Variants in CMC1 observed in about 807,000 individuals in gnomAD.
The protein encoded by CMC1 is COX assembly mitochondrial protein homolog.
Under a neutral mutation model 14.1 loss-of-function variants are expected in CMC1, and 14 were observed. The observed-to-expected ratio is 0.99, with a 90% CI of 0.66 to 1.55. The LOEUF (loss-of-function observed/expected upper bound fraction) is 1.55. Among genes scored for constraint, CMC1 ranks in the 40% most tolerant of loss-of-function variants. The probability of loss-of-function intolerance (pLI) is 0.00; values close to 1 mark genes in which losing one functional copy is unlikely to be tolerated. For missense variants in CMC1, 127 were observed against 123.8 expected, an observed-to-expected ratio of 1.03 and a Z score of -0.12; for synonymous variants, 50 against 38.4, an observed-to-expected ratio of 1.30 and a Z score of -1.12.
chr3:28,297,279 A>T (rs1161892686), intron 2 of CMC1: 1 of 152,068 alleles, frequency 6.6e-6, no homozygotes, highest in Non-Finnish European at 1.5e-5. Context: ...TAACTGATCC[A>T]TAAGACAATC....
At chr3:28,263,443 C>A in intron 2 of CMC1, 63 bp downstream of exon 2, 1 of 1,091,798 alleles carries the variant, frequency 9.2e-7, no homozygotes, top group Non-Finnish European at 1.3e-6. Context: ...TGAATTTAAT[C>A]CTTAGCCCCA....
chr3:28,258,060 T>TTATATATATA (rs56153777), intron 1 of CMC1, among the ~76,000 whole-genome samples: 3,868 of 135,186 alleles, frequency 0.029, 76 homozygotes, highest in Middle Eastern at 0.052. Context: ...TTGAGCACCT[T>TTATATATATA]TATATATATA....
chr3:28,268,792 A>G (rs1700130483), intron 2 of CMC1, among the ~76,000 whole-genome samples: 1 of 152,328 alleles, frequency 6.6e-6, no homozygotes, highest in South Asian at 2.1e-4. Context: ...TGTTATGCCA[A>G]TGGAATCATG....
intron 1 of CMC1, 32 bp from the exon 2 acceptor site, chr3:28,263,259 A>C: frequency 6.7e-7 from 1 of 1,491,994 alleles, no homozygotes; most frequent in Non-Finnish European, 9.2e-7. Context: ...TTTGCTTGAG[A>C]CTTTATTAAA....
intron 1 of CMC1, among the ~76,000 whole-genome samples, chr3:28,257,096 T>C (rs1182095830): frequency 6.6e-6 from 1 of 152,218 alleles, no homozygotes; most frequent in Non-Finnish European, 1.5e-5. Context: ...TAATTTCTAA[T>C]AGTTATGTGT....
At chr3:28,251,520 C>T (rs964489340) in intron 1 of CMC1, among the ~76,000 whole-genome samples, 4 of 152,132 alleles carry the variant, frequency 2.6e-5, no homozygotes, top group Admixed American at 2.6e-4. Context: ...ATATCCAAAC[C>T]ATATTGCTCC....
chr3:28,258,566 G>T (rs552866214), intron 1 of CMC1, among the ~76,000 whole-genome samples: 3 of 146,032 alleles, frequency 2.1e-5, no homozygotes, highest in South Asian at 4.3e-4. Context: ...AACTAGCCTT[G>T]GTGCATTTGC....
chr3:28,305,312 T>G (rs1702251974), intron 2 of CMC1, among the ~76,000 whole-genome samples: 1 of 152,230 alleles, frequency 6.6e-6, no homozygotes, highest in African/African-American at 2.4e-5. Context: ...CACATTTTCT[T>G]TCTCCATTCC....
At chr3:28,290,744 A>G (rs73822569) in intron 2 of CMC1, among the ~76,000 whole-genome samples, 6,384 of 152,178 alleles carry the variant, frequency 0.042, 391 homozygotes, top group African/African-American at 0.13. Context: ...GAGATAACCA[A>G]TCATCCTTGG....
At chr3:28,304,790 T>C (rs981087409) in intron 2 of CMC1, among the ~76,000 whole-genome samples, 5 of 152,150 alleles carry the variant, frequency 3.3e-5, no homozygotes, top group Admixed American at 6.5e-5. Context: ...ATTTTACTTG[T>C]TCTGAAAGTT....
chr3:28,288,509 A>G (rs867948543), intron 2 of CMC1, among the ~76,000 whole-genome samples: 1 of 152,010 alleles, frequency 6.6e-6, no homozygotes, highest in South Asian at 2.1e-4. Context: ...ATGTTTCTTT[A>G]GGAAATTTTG....
chr3:28,300,144 C>T (rs376442284), intron 2 of CMC1, among the ~76,000 whole-genome samples: 1 of 151,918 alleles, frequency 6.6e-6, no homozygotes, highest in African/African-American at 2.4e-5. Flanking sequence ...CAAAGTATCA[C>T]GTTATCATTG....
chr3:28,303,272 G>A (rs1392983690), intron 2 of CMC1, among the ~76,000 whole-genome samples: 1 of 152,058 alleles, frequency 6.6e-6, no homozygotes. Context: ...GTTGTCATGG[G>A]AAAATGGAAA....
intron 1 of CMC1, among the ~76,000 whole-genome samples, chr3:28,249,369 T>G (rs979845559): frequency 2.0e-5 from 3 of 152,252 alleles, no homozygotes; most frequent in African/African-American, 7.2e-5. Context: ...ACAGTGTATC[T>G]GTAACTATCA....
Position 28,321,932 on chromosome 3 carries a change from T to C in CMC1, c.*2303T>C, listed in dbSNP as rs999971456. On this transcript the variant is annotated 3_prime_UTR_variant, in exon 4 of 4. Transcript: ENST00000466830. Reference sequence around the variant, plus strand: ...AACCTTATAAAAAGAAATCTAAAGATTCCAAAGGAAGCTCTTTAGAGCAAG... The same window carrying C: ...AACCTTATAAAAAGAAATCTAAAGACTCCAAAGGAAGCTCTTTAGAGCAAG... 2 of 151,340 alleles carry C rather than the reference T, an allele frequency of 1.3e-5. No homozygotes were observed. The highest frequency in any genetic ancestry group is 4.2e-4 in the South Asian group (2 of 4,818). The allele number at this position is 151,340 out of a possible 1,614,324, so 9.4% of individuals were successfully genotyped here.
At chr3:28,271,849 C>T (rs1455319058) in intron 2 of CMC1, among the ~76,000 whole-genome samples, 1 of 152,164 alleles carries the variant, frequency 6.6e-6, no homozygotes, top group African/African-American at 2.4e-5. Context: ...TTGATTCTTC[C>T]TATCCATGAG....
chr3:28,256,580 G>A (rs993815505), intron 1 of CMC1, among the ~76,000 whole-genome samples: 9 of 152,094 alleles, frequency 5.9e-5, no homozygotes, highest in African/African-American at 2.2e-4. Flanking sequence ...AAACTTTCAA[G>A]GAACTGAGAA....
intron 2 of CMC1, among the ~76,000 whole-genome samples, chr3:28,296,788 TTAAA>T (rs1271488809): frequency 1.3e-5 from 2 of 152,092 alleles, no homozygotes; most frequent in Non-Finnish European, 2.9e-5. Flanking sequence ...TAGAAATACT[TTAAA>T]TAATTATTTC....
chr3:28,275,323 T>G (rs1271849587), intron 2 of CMC1, among the ~76,000 whole-genome samples: 1 of 139,998 alleles, frequency 7.1e-6, no homozygotes, highest in Non-Finnish European at 1.6e-5. Flanking sequence ...TACTGTTAGT[T>G]GTTTGTTTTT....
Sources: allele counts gnomAD v4.1 joint callset (sites outside exome capture counted in the v4.1 genomes callset), GRCh38; gene constraint gnomAD v4.1.1; transcripts MANE v1.5; gene names NCBI Gene and HGNC (gene_info 2026-07-23, HGNC 2026-07-21).